The following STRN variants were observed in gnomAD, a reference collection of about 807,000 sequenced individuals.
STRN encodes striatin.
A neutral mutation model predicts 96.3 loss-of-function variants in STRN; 53 were observed. The observed-to-expected ratio is 0.55, with a 90% CI of 0.44 to 0.69. The LOEUF is 0.69. Ranked by LOEUF, STRN falls within the 30% of genes least tolerant of loss-of-function variation. The pLI is 0.00. For synonymous variants in STRN, 428 were observed against 355.9 expected (o/e 1.20, Z -2.28); for missense variants, 987 against 963.9 (o/e 1.02, Z -0.32).
chr2:36,886,286 T>C (rs1165656644), intron 8 of STRN, among the ~76,000 whole-genome samples: 1 of 152,096 alleles, frequency 6.6e-6, no homozygotes, highest in Admixed American at 6.6e-5. Flanking sequence ...TATTCAGGGG[T>C]AGAAATTAAC....
chr2:36,953,167 T>G (rs1438666157), intron 1 of STRN, among the ~76,000 whole-genome samples: 1 of 152,108 alleles, frequency 6.6e-6, no homozygotes, highest in Non-Finnish European at 1.5e-5. Context: ...GTGATGCATA[T>G]TTGCCACACC....
intron 1 of STRN, among the ~76,000 whole-genome samples, chr2:36,962,332 A>T (rs1374658620): frequency 6.6e-6 from 1 of 152,162 alleles, no homozygotes; most frequent in East Asian, 1.9e-4. Context: ...TTACAGGTAA[A>T]TATCAGGGCC....
chr2:36,910,968 G>A (rs1040435580), intron 3 of STRN, among the ~76,000 whole-genome samples: 2 of 152,030 alleles, frequency 1.3e-5, no homozygotes, highest in Admixed American at 1.3e-4. Context: ...AAATTTTTGT[G>A]AAAAATGTTT....
intron 6 of STRN, among the ~76,000 whole-genome samples, chr2:36,897,697 A>T (rs1188394949): frequency 6.6e-6 from 1 of 151,964 alleles, no homozygotes; most frequent in Non-Finnish European, 1.5e-5. Flanking sequence ...TCGGCCTCCC[A>T]AAGTGCTGGG....
At chr2:36,917,538 G>GAAAAAAAAAAA (rs576754026) in intron 2 of STRN, among the ~76,000 whole-genome samples, 3 of 88,668 alleles carry the variant, frequency 3.4e-5, no homozygotes, top group African/African-American at 1.0e-4. Flanking sequence ...ACAAAAAAAA[G>GAAAAAAAAAAA]AAAAAAAAAA....
chr2:36,953,067 ATTTC>A (rs1440286069), intron 1 of STRN, among the ~76,000 whole-genome samples: 3 of 152,210 alleles, frequency 2.0e-5, no homozygotes, highest in Non-Finnish European at 4.4e-5. Context: ...ATTGGATCTG[ATTTC>A]TCTCACATTC....
chr2:36,946,600 A>T (rs1437481104), intron 1 of STRN, among the ~76,000 whole-genome samples: 1 of 152,232 alleles, frequency 6.6e-6, no homozygotes, highest in Non-Finnish European at 1.5e-5. Context: ...TATACACTAA[A>T]TTGTTAATAG....
chr2:36,963,806 A>C (rs1257656889), intron 1 of STRN, among the ~76,000 whole-genome samples: 1 of 151,904 alleles, frequency 6.6e-6, no homozygotes, highest in Admixed American at 6.6e-5. Flanking sequence ...AAAATACAAA[A>C]ATAAGCCAGG....
intron 8 of STRN, among the ~76,000 whole-genome samples, chr2:36,885,400 G>T (rs1669192993): frequency 6.6e-6 from 1 of 152,030 alleles, no homozygotes. Context: ...AGTTTAACTG[G>T]TTTTTTGTCA....
chr2:36,858,079 A>T, intron 13 of STRN, 56 bp from the exon 14 acceptor site: 1 of 1,437,690 alleles, frequency 7.0e-7, no homozygotes, highest in South Asian at 1.4e-5. Context: ...AAAGGTACTT[A>T]GATTTCAGAG....
Position 36,839,161 on chromosome 2 carries a change from A to C in STRN, c.*10295T>G, listed in dbSNP as rs1187615673. Reference sequence around the variant, plus strand: ...GTTTTGCCATTATGAATCTTTATGCATTGTTTTTTGCATTTAAATTCATTT... The same window carrying C: ...GTTTTGCCATTATGAATCTTTATGCCTTGTTTTTTGCATTTAAATTCATTT... On this transcript the variant is annotated 3_prime_UTR_variant, in exon 18 of 18. Coordinates refer to ENST00000263918, the MANE Select transcript of STRN (RefSeq NM_003162.4). Among the ~76,000 whole-genome samples the C allele has an allele frequency of 6.6e-6, 1 of 152,160 alleles. No individual in the cohort carries two copies. Among genetic ancestry groups the C allele is most frequent in the Non-Finnish European group, 1.5e-5 (1 of 68,018 alleles).
At chr2:36,946,268 GAGAA>G (rs571552004) in intron 1 of STRN, among the ~76,000 whole-genome samples, 137 of 151,858 alleles carry the variant, frequency 9.0e-4, no homozygotes, top group African/African-American at 3.0e-3. Context: ...ATCCAAATAT[GAGAA>G]AGAAAAATAA....
intron 8 of STRN, among the ~76,000 whole-genome samples, chr2:36,885,479 T>C (rs902934094): frequency 1.3e-5 from 2 of 152,280 alleles, no homozygotes; most frequent in Admixed American, 1.3e-4. Flanking sequence ...TCAGTAAGTA[T>C]ATTTGGCGAA....
chr2:36,956,785 A>G (rs557995729), intron 1 of STRN, among the ~76,000 whole-genome samples: 1 of 152,370 alleles, frequency 6.6e-6, no homozygotes, highest in East Asian at 1.9e-4. Context: ...ATCTCTTGAT[A>G]AAGAAGTGCT....
rs542979421 is a variant in STRN at position 36,845,165 on chromosome 2, T to C, written c.*4291A>G. 2.0e-5 allele frequency: 3 copies of C among 152,288 alleles called. No homozygotes were observed. Among genetic ancestry groups the C allele is most frequent in the East Asian group, 3.9e-4 (2 of 5,188 alleles). The allele number at this position is 152,288 out of a possible 1,614,324, so 9.4% of individuals were successfully genotyped here. A position where few individuals can be genotyped will look rare whatever the true frequency, so the allele number is the denominator to read the frequency against. On this transcript the variant is annotated 3_prime_UTR_variant, in exon 18 of 18. Coordinates refer to ENST00000263918, the MANE Select transcript of STRN (RefSeq NM_003162.4). ...TGTAAGTTCAATAATTATTTGGCTA[T>C]TGGTTGAAAACATCACACAGACAGA...
chr2:36,915,955 C>A lies in STRN; in HGVS notation c.412+123G>T. On this transcript the variant is annotated intron_variant, in intron 3 of 17. Transcript: ENST00000263918. The stretch of plus-strand genomic sequence containing the variant: ...ACACTAAATGGTGCCAAAAGACAAG[C>A]AGGTCAGAAAAAATAACTAATACAC... 7.5e-6 allele frequency: 6 copies of A among 795,766 alleles called. 1 individual carries two copies. Among genetic ancestry groups the A allele is most frequent in the Non-Finnish European group, 1.0e-5 (5 of 500,588 alleles). The allele number at this position is 795,766 out of a possible 1,614,324, so 49.3% of individuals were successfully genotyped here. A position where few individuals can be genotyped will look rare whatever the true frequency, so the allele number is the denominator to read the frequency against.
intron 14 of STRN, among the ~76,000 whole-genome samples, chr2:36,857,092 T>A (rs1221135541): frequency 6.6e-6 from 1 of 151,770 alleles, no homozygotes; most frequent in Non-Finnish European, 1.5e-5. Flanking sequence ...ATAGTCTTTT[T>A]TTTTTTTAAA....
intron 10 of STRN, among the ~76,000 whole-genome samples, chr2:36,874,682 T>C (rs1282320321): frequency 2.0e-5 from 1 of 51,158 alleles, no homozygotes; most frequent in Non-Finnish European, 4.0e-5. Flanking sequence ...GCAGAAAACA[T>C]AAAAACAAAG....
chr2:36,952,657 C>A (rs1664789178), intron 1 of STRN, among the ~76,000 whole-genome samples: 1 of 152,112 alleles, frequency 6.6e-6, no homozygotes, highest in African/African-American at 2.4e-5. Context: ...ACCTGGCACA[C>A]AGAAAATGCT....
Sources: gnomAD v4.1 joint callset for allele counts (sites outside exome capture counted in the v4.1 genomes callset) on GRCh38, gnomAD v4.1.1 for gene constraint, MANE v1.5 for transcripts, NCBI Gene and HGNC (gene_info 2026-07-23, HGNC 2026-07-21) for gene names.